BLACAT1: variants seen among roughly 807,000 people sequenced by gnomAD.
The protein encoded by BLACAT1 is BLACAT1 overlapping LEMD1 locus, also known as bladder cancer associated transcript 1.
intron 1 of BLACAT1, among the ~76,000 whole-genome samples, chr1:205,442,634 G>A (rs745562482): frequency 1.8e-4 from 28 of 152,200 alleles, no homozygotes; most frequent in Non-Finnish European, 3.7e-4. Flanking sequence ...CCAGCTGGAT[G>A]GGCAGGAGGC....
At position 205,448,294 on chromosome 1, in the gene BLACAT1, CAGG is replaced by C. The variant is rs768590759; in HGVS notation, c.-36-7235_-36-7233del. 30 of 527,208 alleles carry C rather than the reference CAGG, an allele frequency of 5.7e-5. No homozygotes were observed. The highest frequency in any genetic ancestry group is 9.4e-5 in the Non-Finnish European group (24 of 254,132). The allele number at this position is 527,208 out of a possible 1,614,324, so 32.7% of individuals were successfully genotyped here. A position where few individuals can be genotyped will look rare whatever the true frequency, so the allele number is the denominator to read the frequency against. Reference sequence around the variant, plus strand: ...TGGTCCCATGGGAGGTGCAGCTGCGCAGGAGAAGGAGCTCGCCCCTCACTGTAG... The same window carrying C: ...TGGTCCCATGGGAGGTGCAGCTGCGCAGAAGGAGCTCGCCCCTCACTGTAG... On this transcript the variant is annotated intron_variant, in intron 1 of 1. Coordinates refer to ENST00000629624, the Ensembl canonical transcript of BLACAT1. The surrounding 1 kb of genome is among the most constrained non-coding windows in gnomAD (Gnocchi z 4.7).
chr1:205,453,366 T>G (rs1666520856), intron 1 of BLACAT1, among the ~76,000 whole-genome samples: 1 of 152,104 alleles, frequency 6.6e-6, no homozygotes, highest in Admixed American at 6.5e-5. Flanking sequence ...TGCTCCGAGG[T>G]CCCATCTCTA....
chr1:205,455,236 G>T (rs1246881503), intron 1 of BLACAT1, among the ~76,000 whole-genome samples: 1 of 152,160 alleles, frequency 6.6e-6, no homozygotes, highest in Non-Finnish European at 1.5e-5. Flanking sequence ...TGGGAGGCAG[G>T]CTTATGGCCA....
At chr1:205,454,155 G>C (rs369271920) in intron 1 of BLACAT1, among the ~76,000 whole-genome samples, 10 of 152,194 alleles carry the variant, frequency 6.6e-5, no homozygotes, top group South Asian at 4.1e-4. Flanking sequence ...CAGTGGGATG[G>C]GCACCGTGCT....
intron 1 of BLACAT1, among the ~76,000 whole-genome samples, chr1:205,454,564 G>T (rs1050158772): frequency 1.3e-5 from 2 of 151,884 alleles, no homozygotes; most frequent in African/African-American, 4.8e-5. Context: ...GAGAGAGAGA[G>T]AGATCCTCTT....
In BLACAT1 at chr1:205,450,018, C is replaced by A. The variant is rs1666469134; in HGVS notation, c.-37+5899G>T. On this transcript the variant is annotated intron_variant, in intron 1 of 1. Coordinates refer to ENST00000629624, the Ensembl canonical transcript of BLACAT1. This position sits in a 1 kb window ranked among gnomAD's most constrained non-coding sequence, Gnocchi z 4.4. Reference sequence around the variant, plus strand: ...AGGGCAGGCCTCCTCCCTCCCCCTGCCCGCCCACCACCGGCCAGGGCTGAG... The same window carrying A: ...AGGGCAGGCCTCCTCCCTCCCCCTGACCGCCCACCACCGGCCAGGGCTGAG... 1 of 152,298 alleles carries A rather than the reference C, an allele frequency of 6.6e-6. No homozygotes were observed. The highest frequency in any genetic ancestry group is 2.4e-5 in the African/African-American group (1 of 41,380). The allele number at this position is 152,298 out of a possible 1,614,324, so 9.4% of individuals were successfully genotyped here.
intron 1 of BLACAT1, among the ~76,000 whole-genome samples, chr1:205,453,464 C>G (rs1400705534): frequency 6.6e-6 from 1 of 152,142 alleles, no homozygotes; most frequent in African/African-American, 2.4e-5. Flanking sequence ...GGGCACTGCT[C>G]CACTGAGCAG....
At chr1:205,451,607 C>G (rs1481245901) in intron 1 of BLACAT1, among the ~76,000 whole-genome samples, 1 of 151,800 alleles carries the variant, frequency 6.6e-6, no homozygotes, top group Non-Finnish European at 1.5e-5. Context: ...GGAGACAAAA[C>G]AGGAGTGAGG....
intron 1 of BLACAT1, among the ~76,000 whole-genome samples, chr1:205,444,115 A>G (rs1381720389): frequency 1.3e-5 from 2 of 151,952 alleles, no homozygotes; most frequent in Non-Finnish European, 2.9e-5. Context: ...TCATCATGGG[A>G]ACTCCCCTCC....
rs925844846 is a variant in BLACAT1 at position 205,450,388 on chromosome 1, A to G, written c.-37+5529T>C. Among the ~76,000 whole-genome samples the G allele has an allele frequency of 1.0e-5, 1 of 98,580 alleles. No individual in the cohort carries two copies. The highest frequency in any genetic ancestry group is 2.0e-5 in the Non-Finnish European group (1 of 50,774). The allele number at this position is 98,580 out of a possible 152,430, so 64.7% of individuals were successfully genotyped here. A position where few individuals can be genotyped will look rare whatever the true frequency, so the allele number is the denominator to read the frequency against. ...CCTGCCGCTCCCCTCCAGCTTTTTT[A>G]TAGTTTAATTTTTGGCAGGAGACCT... On this transcript the variant is annotated intron_variant, in intron 1 of 1. Transcript: ENST00000629624. The surrounding 1 kb of genome is among the most constrained non-coding windows in gnomAD (Gnocchi z 4.4).
At chr1:205,447,821 G>A (rs1465117828) in intron 1 of BLACAT1, among the ~76,000 whole-genome samples, 1 of 152,138 alleles carries the variant, frequency 6.6e-6, no homozygotes, top group East Asian at 1.9e-4. Flanking sequence ...GGCATGGAGT[G>A]TTCCCATTTC....
chr1:205,443,942 A>C (rs1192839142), intron 1 of BLACAT1, among the ~76,000 whole-genome samples: 2 of 152,106 alleles, frequency 1.3e-5, no homozygotes, highest in African/African-American at 4.8e-5. Flanking sequence ...GCTTTGCTCG[A>C]GCAGGAGTCC....
downstream of BLACAT1, chr1:205,437,028 G>C (rs551307226): frequency 6.6e-6 from 1 of 152,662 alleles, no homozygotes; most frequent in African/African-American, 2.4e-5. Context: ...GAACACTGGG[G>C]GGCTGTGGCT....
chr1:205,450,734 C>G lies in BLACAT1; in HGVS notation c.-37+5183G>C, dbSNP rs1666485337. On this transcript the variant is annotated intron_variant, in intron 1 of 1. Transcript: ENST00000629624. This position sits in a 1 kb window ranked among gnomAD's most constrained non-coding sequence, Gnocchi z 4.4. ...GCCCACCTGACAAGCCCCAAGTAAG[C>G]TGTGGAAGTAGGGCATCTCTCTCTA... 6.6e-6 allele frequency among the ~76,000 whole-genome samples: 1 copy of G among 152,186 alleles called. No homozygotes were observed. Among genetic ancestry groups the G allele is most frequent in the South Asian group, 2.1e-4 (1 of 4,826 alleles).
Position 205,453,284 on chromosome 1 carries a change from C to T in BLACAT1, c.-37+2633G>A, listed in dbSNP as rs189257499. Among the ~76,000 whole-genome samples, 42 of 152,326 alleles carry T rather than the reference C, an allele frequency of 2.8e-4. No homozygotes were observed. The East Asian group carries it at 7.7e-3, about 28-fold the overall frequency. On this transcript the variant is annotated intron_variant, in intron 1 of 1. Transcript: ENST00000629624. ...CCACATACATTGTCCTCCAGACCTG[C>T]ACTAGACCAGCAGTGTGCTTGCTAC... is the stretch of plus-strand genomic sequence containing the variant.
chr1:205,448,635 G>T lies in BLACAT1; in HGVS notation c.-37+7282C>A, dbSNP rs191284578. Among the ~76,000 whole-genome samples, 15 of 151,944 alleles carry T rather than the reference G, an allele frequency of 9.9e-5. No homozygotes were observed. Among genetic ancestry groups the T allele is most frequent in the Admixed American group, 7.2e-4 (11 of 15,270 alleles). ...CTCACACAATGGTCCTCACTCCAGG[G>T]TATGAGGAGGGGTGGCTTCCTGGCC... On this transcript the variant is annotated intron_variant, in intron 1 of 1. Coordinates refer to ENST00000629624, the Ensembl canonical transcript of BLACAT1. This position sits in a 1 kb window ranked among gnomAD's most constrained non-coding sequence, Gnocchi z 4.7.
At chr1:205,440,596 C>T (rs1166122861) in exon 2 of BLACAT1, 1 of 152,326 alleles carries the variant, frequency 6.6e-6, no homozygotes, top group Non-Finnish European at 1.5e-5. Context: ...CCCCGAAGCT[C>T]TCAGGGCAGG....
downstream of BLACAT1, chr1:205,435,652 A>G (rs894072007): frequency 2.0e-5 from 3 of 152,238 alleles, no homozygotes; most frequent in Non-Finnish European, 2.9e-5. Context: ...TACCACCAAC[A>G]GGACATTCTT....
intron 1 of BLACAT1, among the ~76,000 whole-genome samples, chr1:205,451,231 C>G (rs1032776530): frequency 6.6e-5 from 10 of 152,170 alleles, no homozygotes; most frequent in African/African-American, 2.4e-4. Context: ...CTGAGCTCTC[C>G]CCAGAAATGC....
Sources: allele counts gnomAD v4.1 joint callset (sites outside exome capture counted in the v4.1 genomes callset), GRCh38; gene constraint gnomAD v4.1.1; non-coding constraint Gnocchi (gnomAD v3.1); transcripts MANE v1.5; gene names NCBI Gene and HGNC (gene_info 2026-07-23, HGNC 2026-07-21).